CAST: variants seen among roughly 807,000 people sequenced by gnomAD.
CAST encodes the protein calpastatin.
CAST carries 76 observed loss-of-function variants against 119.6 expected under a neutral mutation model. That is an observed-to-expected ratio of 0.64 (90% confidence interval 0.53 to 0.77). The LOEUF is 0.77. Ranked by LOEUF, CAST falls within the 30% of genes least tolerant of loss-of-function variation. The pLI is 0.00. For missense variants in CAST, 953 were observed against 946.5 expected, an observed-to-expected ratio of 1.01 and a Z score of -0.09; for synonymous variants, 319 against 331.6, an observed-to-expected ratio of 0.96 and a Z score of 0.41.
intron 3 of CAST, among the ~76,000 whole-genome samples, chr5:96,719,419 C>G (rs1234086692): frequency 1.3e-5 from 2 of 152,210 alleles, no homozygotes; most frequent in Non-Finnish European, 2.9e-5. Flanking sequence ...TCTCGGCCTC[C>G]CGAGGTGCTG....
At chr5:96,366,329 T>C in the CAST span, among the ~76,000 whole-genome samples, 2 of 152,144 alleles carry the variant, frequency 1.3e-5, no homozygotes, top group East Asian at 3.8e-4. Context: ...TCTTGAGGAG[T>C]ATCTTTGTGG....
the CAST span, chr5:96,434,108 GCT>G: frequency 6.6e-6 from 1 of 152,206 alleles, no homozygotes; most frequent in East Asian, 1.9e-4. Context: ...TCACTTTGGT[GCT>G]GAGCTGGAGC....
At chr5:96,564,544 G>A (rs567697381) in intron 1 of CAST, among the ~76,000 whole-genome samples, 89 of 152,274 alleles carry the variant, frequency 5.8e-4, no homozygotes, top group African/African-American at 1.9e-3. Context: ...TTGCTGTAAC[G>A]GAAGTCCTTT....
the CAST span, among the ~76,000 whole-genome samples, chr5:96,249,329 C>T: frequency 1.3e-5 from 2 of 152,302 alleles, no homozygotes; most frequent in Non-Finnish European, 2.9e-5. Flanking sequence ...ATTCTGGAAT[C>T]TGCTGAGTGC....
intron 4 of CAST, among the ~76,000 whole-genome samples, chr5:96,724,063 A>C (rs1009170554): frequency 4.6e-5 from 7 of 152,226 alleles, no homozygotes; most frequent in African/African-American, 1.4e-4. Flanking sequence ...TCAGTTTTTA[A>C]ATTTAGTATT....
Position 96,740,523 on chromosome 5 carries a change from G to A in CAST, c.880-222G>A, listed in dbSNP as rs191044783. On this transcript the variant is annotated intron_variant, in intron 12 of 31. Transcript: ENST00000675179. ...AAATTTCCCCTTTTTATAAGGACGC[G>A]CATCATATTGGAGTAGGGCCCACCC... Among the ~76,000 whole-genome samples, 42 of 152,094 alleles carry A rather than the reference G, an allele frequency of 2.8e-4. No individual in the cohort carries two copies. The East Asian group carries it at 3.9e-3, about 14-fold the overall frequency.
chr5:96,482,474 G>C, the CAST span, among the ~76,000 whole-genome samples: 5 of 151,650 alleles, frequency 3.3e-5, no homozygotes, highest in Non-Finnish European at 5.9e-5. Flanking sequence ...GAATTATCCT[G>C]ATGTCTATTA....
At chr5:96,368,515 AC>A in the CAST span, among the ~76,000 whole-genome samples, 3 of 151,192 alleles carry the variant, frequency 2.0e-5, no homozygotes, top group Admixed American at 6.6e-5. Context: ...AAAAAAAAAA[AC>A]AAAAAAACCT....
the CAST span, among the ~76,000 whole-genome samples, chr5:96,375,739 G>A: frequency 6.6e-6 from 1 of 151,512 alleles, no homozygotes; most frequent in Admixed American, 6.6e-5. Context: ...GGCCTTATAA[G>A]CAAAAACTGA....
the CAST span, among the ~76,000 whole-genome samples, chr5:95,997,963 GTTTTT>G: frequency 5.3e-5 from 5 of 93,656 alleles, no homozygotes; most frequent in Admixed American, 2.6e-4. Flanking sequence ...TTGAGAGAGG[GTTTTT>G]TTTTTTTTTT....
At chr5:96,322,523 T>C in the CAST span, among the ~76,000 whole-genome samples, 1 of 152,178 alleles carries the variant, frequency 6.6e-6, no homozygotes. Flanking sequence ...TTCATTCTTA[T>C]GCAGCTTTTC....
chr5:96,414,857 A>G, the CAST span, among the ~76,000 whole-genome samples: 2 of 152,252 alleles, frequency 1.3e-5, no homozygotes, highest in Non-Finnish European at 2.9e-5. Context: ...TTAGTATCAA[A>G]GGAATCAGGA....
intron 1 of CAST, among the ~76,000 whole-genome samples, chr5:96,585,378 TC>T (rs1746841727): frequency 6.6e-6 from 1 of 152,122 alleles, no homozygotes; most frequent in South Asian, 2.1e-4. Context: ...ATTACTCCAC[TC>T]TTAAGGCCTT....
chr5:96,133,800 T>C, the CAST span, among the ~76,000 whole-genome samples: 12 of 152,154 alleles, frequency 7.9e-5, no homozygotes, highest in Admixed American at 3.3e-4. Context: ...GGGGGCTGCA[T>C]TGGTGAAGAC....
the CAST span, among the ~76,000 whole-genome samples, chr5:95,987,097 A>G: frequency 6.6e-6 from 1 of 152,052 alleles, no homozygotes; most frequent in Admixed American, 6.6e-5. Flanking sequence ...CCCTGAGCTG[A>G]GCTTTCCTGA....
the CAST span, chr5:95,962,174 T>C: frequency 7.0e-6 from 2 of 285,676 alleles, no homozygotes; most frequent in African/African-American, 2.2e-5. Flanking sequence ...TTGCCTGGTC[T>C]GGTTACCTGG....
the CAST span, among the ~76,000 whole-genome samples, chr5:96,322,726 C>A: frequency 1.8e-4 from 28 of 152,102 alleles, no homozygotes; most frequent in Non-Finnish European, 3.8e-4. Context: ...CTCTCAGTTG[C>A]GTGTTTTCCT....
intron 16 of CAST, among the ~76,000 whole-genome samples, chr5:96,746,045 A>C (rs1182411913): frequency 6.6e-6 from 1 of 152,256 alleles, no homozygotes. Flanking sequence ...CACATTTTAC[A>C]GCTGAAGAAA....
At chr5:96,121,872 C>A in the CAST span, among the ~76,000 whole-genome samples, 1 of 152,102 alleles carries the variant, frequency 6.6e-6, no homozygotes, top group Non-Finnish European at 1.5e-5. Context: ...CCCTGCCCAC[C>A]CCTGCTCTTG....
Sources: allele counts gnomAD v4.1 joint callset (sites outside exome capture counted in the v4.1 genomes callset), GRCh38; gene constraint gnomAD v4.1.1; transcripts MANE v1.5; gene names NCBI Gene and HGNC (gene_info 2026-07-23, HGNC 2026-07-21).